The following DNAH1 variants were observed in gnomAD, a reference collection of about 807,000 sequenced individuals.
The protein encoded by DNAH1 is axonemal beta dynein heavy chain 1.
Under a neutral mutation model 484.3 loss-of-function variants are expected in DNAH1, and 327 were observed. That is an observed-to-expected ratio of 0.68 (90% CI 0.62 to 0.74). The LOEUF (loss-of-function observed/expected upper bound fraction) is 0.74, where lower values mean the gene tolerates loss of function less well. Ranked by LOEUF, DNAH1 falls within the 30% of genes least tolerant of loss-of-function variation. The probability of loss-of-function intolerance (pLI) is 0.00; values close to 1 mark genes in which losing one functional copy is unlikely to be tolerated. For synonymous variants in DNAH1, 2,192 were observed against 2,191.9 expected (o/e 1.00, Z 0.00); for missense variants, 5,052 against 5,546.8 (o/e 0.91, Z 2.83).
rs1156443455 is a variant in DNAH1, at chr3:52,350,069, G to A, written c.2607G>A (p.Glu869=). 1.5e-5 allele frequency: 25 copies of A among 1,613,094 alleles called. No homozygotes were observed. Among genetic ancestry groups the A allele is most frequent in the Non-Finnish European group, 2.0e-5 (24 of 1,179,762 alleles). ...NSIEELAELR[E]WMKGIPERLV... ...TTGAGGAGCTGGCTGAGCTGCGAGA[G>A]TGGATGAAGGGCATCCCGGAGAGGC... The change falls in exon 15 of 78, where the codon GAG becomes GAA. Residue 869 remains glutamate (E), a synonymous_variant. Transcript: ENST00000420323.
At chr3:52,389,619 G>A in intron 60 of DNAH1, 33 bp downstream of exon 60, 1 of 1,390,098 alleles carries the variant, frequency 7.2e-7, no homozygotes, top group East Asian at 3.0e-5. Flanking sequence ...TGCCCAGGCA[G>A]GGCCTGTGGT....
rs768532151 is a variant in DNAH1 at position 52,360,348 on chromosome 3, G to A, written c.4609G>A (p.Val1537Met). ...AAATAATGACCTGTATATCCGTGCT[G>A]TGAATGCTGAGTTCATCTATGGCTA... ...WTNNDLYIRA[V>M]NAEFIYGYEY... Residue 1537 changes from valine to methionine, a missense_variant, in exon 28 of 78, where the codon GTG becomes ATG. Val to Met is a conservative substitution (Grantham distance 21, BLOSUM62 1). This residue lies in a region of DNAH1 where 2,929 missense variants were observed against 3,409.4 expected (regional missense o/e 0.86). Transcript: ENST00000420323. 9.9e-6 allele frequency: 16 copies of A among 1,613,896 alleles called. No homozygotes were observed. In the Middle Eastern group the frequency reaches 4.9e-4, roughly 50 times the overall value.
chr3:52,386,926 G>A lies in DNAH1; in HGVS notation c.9003+73G>A. On this transcript the variant is annotated intron_variant, in intron 56 of 77. Coordinates refer to ENST00000420323, the MANE Select transcript of DNAH1 (RefSeq NM_015512.5). The stretch of plus-strand genomic sequence containing the variant: ...CGCCCGGCAGGACAGTGAAGCTGGA[G>A]AGGAGCTTGCCCCACCACATCATCT... The A allele has an allele frequency of 3.5e-6, 5 of 1,438,612 alleles. No homozygotes were observed. The South Asian group carries it at 7.2e-5, about 21-fold the overall frequency. The allele number at this position is 1,438,612 out of a possible 1,614,324, so 89.1% of individuals were successfully genotyped here. A position where few individuals can be genotyped will look rare whatever the true frequency, so the allele number is the denominator to read the frequency against.
chr3:52,336,440 G>C (rs555918017), intron 8 of DNAH1, among the ~76,000 whole-genome samples: 1 of 152,248 alleles, frequency 6.6e-6, no homozygotes, highest in South Asian at 2.1e-4. Flanking sequence ...TATTGTCCCA[G>C]CTCCTTGGGA....
In DNAH1 at chr3:52,360,374, T is replaced by C. The variant is rs1702804909; in HGVS notation, c.4635T>C (p.Tyr1545=). The part of the protein sequence containing the change: ...RAVNAEFIYG[Y]EYLGNSGRLV... ...TGAATGCTGAGTTCATCTATGGCTA[T>C]GAGTACCTGGGCAACAGTGGGAGGC... The change falls in exon 28 of 78, where the codon TAT becomes TAC. Residue 1545 remains tyrosine, a synonymous_variant. Coordinates refer to ENST00000420323, the MANE Select transcript of DNAH1 (RefSeq NM_015512.5). The C allele has an allele frequency of 3.1e-6, 5 of 1,614,018 alleles. No homozygotes were observed. Among genetic ancestry groups the C allele is most frequent in the Non-Finnish European group, 4.2e-6 (5 of 1,179,882 alleles).
At chr3:52,318,434 G>A (rs1701030562) in intron 1 of DNAH1, among the ~76,000 whole-genome samples, 1 of 152,244 alleles carries the variant, frequency 6.6e-6, no homozygotes, top group African/African-American at 2.4e-5. Flanking sequence ...GCACGTGGCA[G>A]TCCCATCAGC....
At chr3:52,325,001 CCTT>C (rs1210378478) in intron 3 of DNAH1, among the ~76,000 whole-genome samples, 9 of 152,272 alleles carry the variant, frequency 5.9e-5, no homozygotes, top group Non-Finnish European at 1.0e-4. Flanking sequence ...CGCCCTGGCT[CCTT>C]CTTGGCCACT....
rs142571376 is a variant in DNAH1 at position 52,334,739 on chromosome 3, G to A, written c.1286+2345G>A. 4.1e-3 allele frequency among the ~76,000 whole-genome samples: 621 copies of A among 152,306 alleles called. 2 individuals are homozygous for A. The highest frequency in any genetic ancestry group is 7.2e-3 in the Non-Finnish European group (490 of 68,012). ...ACCTGGGAGGCAGAGGTTGCAGTGA[G>A]CTGAGATTGCGTCACTGCACTCCAG... On this transcript the variant is annotated intron_variant, in intron 8 of 77. Coordinates refer to ENST00000420323, the MANE Select transcript of DNAH1 (RefSeq NM_015512.5).
intron 48 of DNAH1, 110 bp downstream of exon 48, chr3:52,380,245 G>T: frequency 1.0e-6 from 1 of 981,988 alleles, no homozygotes; most frequent in Non-Finnish European, 1.5e-6. Context: ...ACTATAACCA[G>T]GGGGCCAGGA....
upstream of DNAH1, among the ~76,000 whole-genome samples, chr3:52,315,919 C>G (rs575945571): frequency 2.0e-5 from 3 of 152,214 alleles, no homozygotes; most frequent in East Asian, 3.9e-4. Context: ...ATCCACAGCC[C>G]GCCCTTGAAG....
chr3:52,349,141 C>T, intron 13 of DNAH1, 54 bp from the exon 14 acceptor site: 1 of 1,611,650 alleles, frequency 6.2e-7, no homozygotes, highest in African/African-American at 1.3e-5. Context: ...TGTGTATCCC[C>T]TGCCCACCCT....
At position 52,385,413 on chromosome 3, in the gene DNAH1, C is replaced by T; in HGVS notation, c.8591C>T (p.Ala2864Val). 6.4e-7 allele frequency: 1 copy of T among 1,552,298 alleles called. No individual in the cohort carries two copies. The highest frequency in any genetic ancestry group is 1.2e-5 in the South Asian group (1 of 84,088). ...ATGCACCCCCTGCTGGAGGAGGCTG[C>T]CAAGGACACCATGCTCACCATGGAG... ...ESMHPLLEEA[A>V]KDTMLTMEQI... Residue 2864 changes from alanine (A) to valine (V), a missense_variant, in exon 54 of 78, where the codon GCC (alanine) becomes GTC (valine). Transcript: ENST00000420323.
intron 44 of DNAH1, 72 bp from the exon 45 acceptor site, chr3:52,375,168 T>C (rs565159739): frequency 2.0e-4 from 298 of 1,482,566 alleles, no homozygotes; most frequent in Non-Finnish European, 2.6e-4. Context: ...AATTTTTGTA[T>C]GGAGAAGGGG....
At chr3:52,332,030 A>C (rs1701572442) in intron 7 of DNAH1, 112 bp from the exon 8 acceptor site, 1 of 1,368,780 alleles carries the variant, frequency 7.3e-7, no homozygotes, top group South Asian at 1.4e-5. Flanking sequence ...CAGAAGAGGG[A>C]AACAATTTGT....
At position 52,353,069 on chromosome 3, in the gene DNAH1, A is replaced by G; in HGVS notation, c.3028-34A>G. The stretch of plus-strand genomic sequence containing the variant: ...TGGAGAGAGACTGGGAAGTGTCCCA[A>G]GACAGCCCCAGCCCTGCCCTCCTGT... On this transcript the variant is annotated intron_variant, in intron 18 of 77. Coordinates refer to ENST00000420323, the MANE Select transcript of DNAH1 (RefSeq NM_015512.5). The surrounding 1 kb of genome is among the most constrained non-coding windows in gnomAD (Gnocchi z 5.0). 1 of 1,587,116 alleles carries G rather than the reference A, an allele frequency of 6.3e-7. No individual in the cohort carries two copies. Among genetic ancestry groups the G allele is most frequent in the Non-Finnish European group, 8.6e-7 (1 of 1,164,704 alleles).
Position 52,380,013 on chromosome 3 carries a change from T to A in DNAH1, c.7486T>A (p.Cys2496Ser). Residue 2496 changes from cysteine to serine, a missense_variant, in exon 48 of 78, where the codon TGC (cysteine) becomes AGC (serine). This residue lies in a region of DNAH1 where 2,929 missense variants were observed against 3,409.4 expected (regional missense o/e 0.86). Coordinates refer to ENST00000420323, the MANE Select transcript of DNAH1 (RefSeq NM_015512.5). ...CTGGTTCGACCAGCTCCTCAAGCGC[T>A]GCATGGAGCAGTGGGAGGTGACCTT... is the stretch of plus-strand genomic sequence containing the variant. ...RSWFDQLLKR[C>S]MEQWEVTFNK... is the part of the protein sequence containing the mutation. The A allele has an allele frequency of 3.1e-6, 5 of 1,595,182 alleles. No individual in the cohort carries two copies. The highest frequency in any genetic ancestry group is 4.3e-6 in the Non-Finnish European group (5 of 1,170,990).
chr3:52,326,953 G>A (rs976134951), intron 5 of DNAH1, 62 bp downstream of exon 5: 15 of 1,543,256 alleles, frequency 9.7e-6, no homozygotes, highest in South Asian at 9.6e-5. Context: ...CCCAGTGGAC[G>A]CTCAGGAGTC....
chr3:52,322,713 C>A lies in DNAH1; in HGVS notation c.271C>A (p.Leu91Met). ...PLTGTDKKYP[L>M]MKQRGFYSDI... ...GACAGGCACTGATAAGAAGTACCCG[C>A]TGATGAAGCAGCGTGGGTTCTACTC... is the stretch of plus-strand genomic sequence containing the variant. Residue 91 changes from leucine to methionine, a missense_variant, in exon 2 of 78, where the codon CTG becomes ATG. Leu to Met is a conservative substitution (Grantham distance 15). Around this residue, in one of 4 missense-constraint regions of DNAH1, gnomAD observed 1,263 missense variants for 1,218.8 expected, o/e 1.04. Transcript: ENST00000420323. 1 of 1,613,534 alleles carries A rather than the reference C, an allele frequency of 6.2e-7. No individual in the cohort carries two copies. The highest frequency in any genetic ancestry group is 8.5e-7 in the Non-Finnish European group (1 of 1,179,732).
intron 75 of DNAH1, 104 bp downstream of exon 75, chr3:52,398,266 A>G: frequency 7.3e-7 from 1 of 1,377,596 alleles, no homozygotes; most frequent in Non-Finnish European, 9.6e-7. Flanking sequence ...AGTGCTACAC[A>G]TCCTCTAACT....
Sources: allele counts gnomAD v4.1 joint callset (sites outside exome capture counted in the v4.1 genomes callset), GRCh38; gene constraint gnomAD v4.1.1; regional missense constraint gnomAD v4.1.1; non-coding constraint Gnocchi (gnomAD v3.1); transcripts MANE v1.5; gene names NCBI Gene and HGNC (gene_info 2026-07-23, HGNC 2026-07-21).